Variants in COMMD7 observed in about 807,000 individuals in gnomAD.
COMMD7 encodes COMM domain-containing protein 7.
Under a neutral mutation model 34.8 loss-of-function variants are expected in COMMD7, and 28 were observed. The ratio of observed to expected loss-of-function variants is 0.80; its 90% confidence interval spans 0.60 to 1.10. COMMD7 has a LOEUF of 1.10. Ranked by LOEUF, COMMD7 falls within the 50% of genes least tolerant of loss-of-function variation. The pLI is 0.00. For missense variants in COMMD7, 211 were observed against 241.6 expected, an observed-to-expected ratio of 0.87 and a Z score of 0.84; for synonymous variants, 80 against 86.4, an observed-to-expected ratio of 0.93 and a Z score of 0.41.
intron 3 of COMMD7, among the ~76,000 whole-genome samples, chr20:32,727,326 A>C (rs527480774): frequency 6.6e-6 from 1 of 152,108 alleles, no homozygotes; most frequent in South Asian, 2.1e-4. Context: ...AGGCAGACAG[A>C]TCATGAGGTC....
In COMMD7 at chr20:32,714,201, G is replaced by A. The variant is rs189631442; in HGVS notation, c.242-7441C>T. On this transcript the variant is annotated intron_variant, in intron 3 of 8. Coordinates refer to ENST00000278980, the MANE Select transcript of COMMD7 (RefSeq NM_053041.3). ...GGTGGTGCATGAGGCTGGCGGTCCTGGGGAATTTAGTTCAATGTTTGATTA... is the reference window on the plus strand; with the variant it reads ...GGTGGTGCATGAGGCTGGCGGTCCTAGGGAATTTAGTTCAATGTTTGATTA... Among the ~76,000 whole-genome samples the A allele has an allele frequency of 3.9e-5, 6 of 152,202 alleles. No homozygotes were observed. The East Asian group carries it at 1.2e-3, about 29-fold the overall frequency.
intron 3 of COMMD7, among the ~76,000 whole-genome samples, chr20:32,715,717 G>A (rs1210702170): frequency 6.6e-6 from 1 of 152,110 alleles, no homozygotes; most frequent in Non-Finnish European, 1.5e-5. Flanking sequence ...TGAGGTCGGA[G>A]GCTTACTGGA....
In COMMD7 at chr20:32,706,743, G is replaced by C; in HGVS notation, c.259C>G (p.Leu87Val). 1 of 1,613,878 alleles carries C rather than the reference G, an allele frequency of 6.2e-7. No individual in the cohort carries two copies. Among genetic ancestry groups the C allele is most frequent in the Non-Finnish European group, 8.5e-7 (1 of 1,179,980 alleles). The change falls in exon 4 of 9, where the codon CTC (leucine) becomes GTC (valine). Residue 87 changes from leucine (L) to valine (V), a missense_variant. Leu to Val is a conservative substitution (Grantham distance 32). Transcript: ENST00000278980. ...TCCGCCTGGACCTGCTTGGCTGTGA[G>C]ACTCTTCTTCAAAGCACCTGGGAGG... ...LVPNGALKKSLTAKQVQADFI... is the reference protein window; with the variant it reads ...LVPNGALKKSVTAKQVQADFI...
At chr20:32,712,571 T>C (rs1984525129) in intron 3 of COMMD7, among the ~76,000 whole-genome samples, 1 of 146,406 alleles carries the variant, frequency 6.8e-6, no homozygotes, top group Non-Finnish European at 1.5e-5. Context: ...TGGCATACTA[T>C]GTAACAAATC....
chr20:32,718,613 C>T (rs1016688713), intron 3 of COMMD7, among the ~76,000 whole-genome samples: 1 of 151,926 alleles, frequency 6.6e-6, no homozygotes, highest in South Asian at 2.1e-4. Context: ...ACAGGAGAAT[C>T]GCTTGAACTC....
At chr20:32,705,376 A>ATATATATATTT (rs1335467096) in intron 5 of COMMD7, among the ~76,000 whole-genome samples, 13 of 125,440 alleles carry the variant, frequency 1.0e-4, no homozygotes, top group African/African-American at 4.1e-4. Flanking sequence ...ATATATATAT[A>ATATATATATTT]TTTTTTTTTT....
intron 8 of COMMD7, 172 bp from the exon 9 acceptor site, chr20:32,703,630 G>T: frequency 1.4e-6 from 2 of 1,438,328 alleles, no homozygotes; most frequent in Non-Finnish European, 9.1e-7. Flanking sequence ...AATGCAGAAG[G>T]TTCTCTGCTC....
intron 3 of COMMD7, among the ~76,000 whole-genome samples, chr20:32,714,250 A>T (rs1231496354): frequency 6.6e-6 from 1 of 152,188 alleles, no homozygotes; most frequent in Non-Finnish European, 1.5e-5. Context: ...ACTACATTTC[A>T]TTGCTGATTA....
chr20:32,738,260 G>A (rs1986252204), intron 1 of COMMD7, among the ~76,000 whole-genome samples: 1 of 152,174 alleles, frequency 6.6e-6, no homozygotes, highest in African/African-American at 2.4e-5. Context: ...TAAGTAGCTA[G>A]AACTACAGGC....
At chr20:32,727,133 G>A (rs2064935) in intron 3 of COMMD7, among the ~76,000 whole-genome samples, 104,309 of 151,094 alleles carry the variant, frequency 0.69, 36,676 homozygotes, top group Middle Eastern at 0.82. Context: ...GGGTTGAGGC[G>A]GGAGGATCAC....
At chr20:32,706,889 T>C in intron 3 of COMMD7, 129 bp from the exon 4 acceptor site, 1 of 688,462 alleles carries the variant, frequency 1.5e-6, no homozygotes, top group Non-Finnish European at 2.6e-6. Flanking sequence ...AGCTCCAAGA[T>C]CTCAATCCAG....
rs180671790 is a variant in COMMD7 at position 32,740,706 on chromosome 20, C to T, written c.84+2602G>A. On this transcript the variant is annotated intron_variant, in intron 1 of 8. Coordinates refer to ENST00000278980, the MANE Select transcript of COMMD7 (RefSeq NM_053041.3). The stretch of plus-strand genomic sequence containing the variant: ...TACAAAAATTAGCCAGGTATGGTGG[C>T]GCGTGCCTATAGTCCCAGCTATTTG... Among the ~76,000 whole-genome samples the T allele has an allele frequency of 1.2e-3, 183 of 150,594 alleles. 1 individual carries two copies. The highest frequency in any genetic ancestry group is 7.0e-3 in the Middle Eastern group (2 of 284).
At chr20:32,727,846 G>T in intron 3 of COMMD7, 47 bp downstream of exon 3, 1 of 1,442,282 alleles carries the variant, frequency 6.9e-7, no homozygotes, top group Non-Finnish European at 9.8e-7. Flanking sequence ...CTAAAGGAAT[G>T]TTCAAGTTAA....
intron 1 of COMMD7, among the ~76,000 whole-genome samples, chr20:32,738,238 G>A (rs1324565382): frequency 6.6e-6 from 1 of 152,124 alleles, no homozygotes; most frequent in Admixed American, 6.6e-5. Flanking sequence ...GGATTCTCCT[G>A]CCTCAGCCAC....
At chr20:32,742,068 G>A (rs922145756) in intron 1 of COMMD7, among the ~76,000 whole-genome samples, 7 of 152,068 alleles carry the variant, frequency 4.6e-5, no homozygotes, top group Non-Finnish European at 7.4e-5. Context: ...TGTGCCTGTA[G>A]TCCCAGTTAC....
intron 3 of COMMD7, among the ~76,000 whole-genome samples, chr20:32,724,404 G>A (rs1250495377): frequency 7.3e-5 from 1 of 13,748 alleles, no homozygotes; most frequent in Non-Finnish European, 2.1e-4. Flanking sequence ...GAAGTGAGGA[G>A]CCCCTCTGCC....
At chr20:32,721,705 C>G (rs1221198596) in intron 3 of COMMD7, among the ~76,000 whole-genome samples, 2 of 152,168 alleles carry the variant, frequency 1.3e-5, no homozygotes, top group African/African-American at 4.8e-5. Flanking sequence ...CATGGAGAAA[C>G]ATCATCTCTA....
intron 1 of COMMD7, among the ~76,000 whole-genome samples, chr20:32,743,091 T>C (rs945904376): frequency 2.6e-5 from 4 of 152,004 alleles, no homozygotes; most frequent in Non-Finnish European, 5.9e-5. Flanking sequence ...AGGTGGCCCT[T>C]AGGCCTCCGG....
At chr20:32,704,160 A>C (rs1224620447) in intron 7 of COMMD7, 89 bp from the exon 8 acceptor site, 1 of 1,108,028 alleles carries the variant, frequency 9.0e-7, no homozygotes, top group African/African-American at 1.6e-5. Flanking sequence ...TTAAGCTTCC[A>C]ACCTGAGAGT....
Sources: allele counts gnomAD v4.1 joint callset (sites outside exome capture counted in the v4.1 genomes callset), GRCh38; gene constraint gnomAD v4.1.1; transcripts MANE v1.5; gene names NCBI Gene and HGNC (gene_info 2026-07-23, HGNC 2026-07-21).